The following DOCK10 variants were observed in gnomAD, a reference collection of about 807,000 sequenced individuals.
DOCK10 encodes dedicator of cytokinesis 10, also known as dedicator of cytokinesis protein 10.
Under a neutral mutation model 280.1 loss-of-function variants are expected in DOCK10, and 145 were observed. The ratio of observed to expected loss-of-function variants is 0.52; its 90% CI spans 0.45 to 0.59. The LOEUF (loss-of-function observed/expected upper bound fraction) is 0.59. Ranked by LOEUF, DOCK10 falls within the 20% of genes least tolerant of loss-of-function variation. The pLI, the probability that DOCK10 is intolerant of heterozygous loss-of-function variation, is 0.00. For missense variants in DOCK10, 2,368 were observed against 2,651.7 expected, an observed-to-expected ratio of 0.89 and a Z score of 2.35; for synonymous variants, 915 against 942.2, an observed-to-expected ratio of 0.97 and a Z score of 0.53.
intron 31 of DOCK10, among the ~76,000 whole-genome samples, chr2:224,809,044 A>C (rs375629705): frequency 2.6e-5 from 4 of 152,052 alleles, no homozygotes; most frequent in African/African-American, 9.7e-5. Context: ...TAGGGAAAAG[A>C]CACTGCCAAA....
chr2:224,990,797 A>G (rs900989550), intron 1 of DOCK10, among the ~76,000 whole-genome samples: 1 of 152,196 alleles, frequency 6.6e-6, no homozygotes, highest in African/African-American at 2.4e-5. Flanking sequence ...AAATAATATA[A>G]TAATACCTCA....
At chr2:224,884,821 T>C (rs768617725) in intron 7 of DOCK10, among the ~76,000 whole-genome samples, 1 of 152,208 alleles carries the variant, frequency 6.6e-6, no homozygotes, top group East Asian at 1.9e-4. Context: ...AAATAACATA[T>C]TTGAAGTGCG....
intron 1 of DOCK10, among the ~76,000 whole-genome samples, chr2:225,019,561 ACTC>A (rs1277639943): frequency 6.8e-6 from 1 of 147,284 alleles, no homozygotes; most frequent in Non-Finnish European, 1.5e-5. Context: ...CCTGGCATCT[ACTC>A]CTTCCTGGCT....
intron 55 of DOCK10, chr2:224,768,795 G>C: frequency 2.4e-6 from 1 of 420,542 alleles, no homozygotes; most frequent in Non-Finnish European, 4.7e-6. Flanking sequence ...TGACTAGAGA[G>C]ACTGAATGGC....
At chr2:224,879,141 C>A (rs1314074097) in intron 7 of DOCK10, among the ~76,000 whole-genome samples, 2 of 152,212 alleles carry the variant, frequency 1.3e-5, no homozygotes, top group East Asian at 3.8e-4. Context: ...ATCATTTTGA[C>A]TGCAGTGTAA....
rs375271425 is a variant in DOCK10, at chr2:224,834,784, C to T, written c.2851-521G>A. ...GCCATCAGTAAGATAACAAATGCTG[C>T]ATACTTATTTTTTTTCCTCAAAAAA... On this transcript the variant is annotated intron_variant, in intron 25 of 55. Coordinates refer to ENST00000258390, the MANE Select transcript of DOCK10 (RefSeq NM_014689.3). Among the ~76,000 whole-genome samples, 28 of 152,306 alleles carry T rather than the reference C, an allele frequency of 1.8e-4. No individual in the cohort carries two copies. The South Asian group carries it at 5.8e-3, about 32-fold the overall frequency.
At position 224,853,090 on chromosome 2, in the gene DOCK10, G is replaced by T. The variant is rs181363845; in HGVS notation, c.1921C>A (p.Pro641Thr). 475 of 1,606,444 alleles carry T rather than the reference G, an allele frequency of 3.0e-4. 1 individual carries two copies. The highest frequency in any genetic ancestry group is 3.7e-4 in the Admixed American group (22 of 59,264). The change falls in exon 17 of 56, where the codon CCT becomes ACT. Residue 641 changes from proline to threonine, a missense_variant. By Grantham distance (38) the Pro-to-Thr change is conservative. Around this residue, in one of 2 missense-constraint regions of DOCK10, gnomAD observed 1,209 missense variants for 1,250.9 expected, o/e 0.97. Coordinates refer to ENST00000258390, the MANE Select transcript of DOCK10 (RefSeq NM_014689.3). ...TCTGTTTGAGCCATCATGTTGAAAGGCTTGACAGGGATAAAGGACGATGTT... is the reference window on the plus strand; with the variant it reads ...TCTGTTTGAGCCATCATGTTGAAAGTCTTGACAGGGATAAAGGACGATGTT... ...CVTSSFIPVKPFNMMAQTEPT... is the reference protein window; with the variant it reads ...CVTSSFIPVKTFNMMAQTEPT...
chr2:224,934,953 T>A (rs1702604584), intron 1 of DOCK10, among the ~76,000 whole-genome samples: 1 of 152,208 alleles, frequency 6.6e-6, no homozygotes, highest in Non-Finnish European at 1.5e-5. Flanking sequence ...GCATTAGGGT[T>A]GGTGTTGCAC....
chr2:224,907,544 C>A (rs892176617), intron 3 of DOCK10, among the ~76,000 whole-genome samples: 4 of 151,920 alleles, frequency 2.6e-5, no homozygotes, highest in Non-Finnish European at 5.9e-5. Flanking sequence ...AAAAATTAGC[C>A]GGGTGTGGTG....
chr2:224,784,760 A>G (rs1259252368), intron 50 of DOCK10: 2 of 1,289,842 alleles, frequency 1.6e-6, no homozygotes, highest in East Asian at 5.5e-5. Flanking sequence ...AATCAAGACC[A>G]AAAGAAGAAA....
chr2:224,865,906 C>T (rs1697880384), intron 11 of DOCK10, among the ~76,000 whole-genome samples: 1 of 151,352 alleles, frequency 6.6e-6, no homozygotes, highest in African/African-American at 2.4e-5. Context: ...TACACACACA[C>T]TCTCTCTCTC....
chr2:225,000,501 T>G (rs913896389), intron 1 of DOCK10, among the ~76,000 whole-genome samples: 3 of 152,196 alleles, frequency 2.0e-5, no homozygotes, highest in Non-Finnish European at 2.9e-5. Context: ...CGTAATTCAT[T>G]GAAAGCAATT....
At chr2:224,968,717 A>G (rs1704912394) in intron 1 of DOCK10, among the ~76,000 whole-genome samples, 3 of 152,250 alleles carry the variant, frequency 2.0e-5, no homozygotes, top group African/African-American at 4.8e-5. Flanking sequence ...TACAAGGTCA[A>G]TTTAAAAATC....
chr2:224,873,786 A>T (rs1344834527), intron 11 of DOCK10, among the ~76,000 whole-genome samples: 2 of 152,124 alleles, frequency 1.3e-5, no homozygotes, highest in African/African-American at 2.4e-5. Context: ...TTAATATTTT[A>T]TTAGGCTTTA....
intron 1 of DOCK10, among the ~76,000 whole-genome samples, chr2:225,032,146 G>T (rs1559982004): frequency 6.6e-6 from 1 of 151,998 alleles, no homozygotes; most frequent in African/African-American, 2.4e-5. Flanking sequence ...AAAAGGATAA[G>T]ATCTCCCCAG....
intron 14 of DOCK10, among the ~76,000 whole-genome samples, chr2:224,858,681 C>T (rs1395305411): frequency 6.6e-6 from 1 of 152,032 alleles, no homozygotes; most frequent in East Asian, 1.9e-4. Context: ...ATATATCTGG[C>T]AGGAGAAAAA....
chr2:224,971,500 A>G (rs991258066), intron 1 of DOCK10, among the ~76,000 whole-genome samples: 3 of 152,176 alleles, frequency 2.0e-5, no homozygotes, highest in Non-Finnish European at 4.4e-5. Context: ...GCCTAGGGCC[A>G]CACCGGATGG....
intron 1 of DOCK10, among the ~76,000 whole-genome samples, chr2:225,024,702 CA>C (rs1243562137): frequency 6.8e-6 from 1 of 146,430 alleles, no homozygotes; most frequent in East Asian, 2.0e-4. Flanking sequence ...GCCAACATGG[CA>C]AAACCCCATT....
chr2:225,035,313 T>C (rs186171521), intron 1 of DOCK10, among the ~76,000 whole-genome samples: 1 of 151,940 alleles, frequency 6.6e-6, no homozygotes, highest in East Asian at 1.9e-4. Context: ...CATTATAGCA[T>C]ATGGGGAAGT....
Sources: gnomAD v4.1 joint callset for allele counts (sites outside exome capture counted in the v4.1 genomes callset) on GRCh38, gnomAD v4.1.1 for gene constraint, gnomAD v4.1.1 regional missense constraint, MANE v1.5 for transcripts, NCBI Gene and HGNC (gene_info 2026-07-23, HGNC 2026-07-21) for gene names.